The following ADRA1B variants were observed in gnomAD, a reference collection of about 807,000 sequenced individuals.
ADRA1B encodes alpha-1B adrenergic receptor.
Under a neutral mutation model 17.9 loss-of-function variants are expected in ADRA1B, and 17 were observed. The ratio of observed to expected loss-of-function variants is 0.95; its 90% CI spans 0.65 to 1.42. The LOEUF (loss-of-function observed/expected upper bound fraction) is 1.42, where lower values mean the gene tolerates loss of function less well. Ranked by LOEUF, ADRA1B falls within the 40% of genes most tolerant of loss-of-function variation. ADRA1B has a pLI of 0.00. For synonymous variants in ADRA1B, 366 were observed against 327.6 expected (o/e 1.12, Z -1.27); for missense variants, 681 against 722.1 (o/e 0.94, Z 0.65).
intron 1 of ADRA1B, among the ~76,000 whole-genome samples, chr5:159,897,467 C>A (rs1260281009): frequency 6.6e-6 from 1 of 151,322 alleles, no homozygotes; most frequent in African/African-American, 2.4e-5. Context: ...GCCTGGGTGA[C>A]AGAGTGAGAC....
intron 1 of ADRA1B, among the ~76,000 whole-genome samples, chr5:159,876,978 C>T (rs1027054064): frequency 6.6e-6 from 1 of 152,164 alleles, no homozygotes; most frequent in Admixed American, 6.5e-5. Flanking sequence ...AATTTGTTCT[C>T]CAGATTTTCT....
chr5:159,988,637 G>A, the ADRA1B span, among the ~76,000 whole-genome samples: 2 of 152,178 alleles, frequency 1.3e-5, no homozygotes, highest in Non-Finnish European at 2.9e-5. Flanking sequence ...CTACACCTGA[G>A]TCTCTTTCCT....
chr5:159,915,734 C>T (rs79569615), upstream of ADRA1B, among the ~76,000 whole-genome samples: 27,126 of 152,140 alleles, frequency 0.18, 2,550 homozygotes, highest in East Asian at 0.37. Context: ...CCCACAAACA[C>T]CCCACTGCAT....
At chr5:159,886,864 A>C (rs1753930926) in intron 1 of ADRA1B, among the ~76,000 whole-genome samples, 1 of 152,070 alleles carries the variant, frequency 6.6e-6, no homozygotes, top group South Asian at 2.1e-4. Flanking sequence ...TTCCTCTGTA[A>C]ATATATATAT....
chr5:159,908,869 T>TG (rs1202373776), intron 1 of ADRA1B, among the ~76,000 whole-genome samples: 1 of 152,178 alleles, frequency 6.6e-6, no homozygotes, highest in Non-Finnish European at 1.5e-5. Context: ...GGGAAATATT[T>TG]GGGGCCCTCC....
rs749273189 is a variant in ADRA1B, at chr5:159,971,981, C to G, written c.1052C>G (p.Ser351Cys). 6.8e-7 allele frequency: 1 copy of G among 1,480,164 alleles called. No individual in the cohort carries two copies. The highest frequency in any genetic ancestry group is 1.5e-5 in the South Asian group (1 of 67,808). The allele number at this position is 1,480,164 out of a possible 1,614,324, so 91.7% of individuals were successfully genotyped here. The change falls in exon 2 of 2, where the codon TCC (serine) becomes TGC (cysteine). Residue 351 changes from serine (S) to cysteine (C), a missense_variant. Physicochemically the swap from Ser to Cys is moderately radical, Grantham distance 112 (BLOSUM62 -1). Around this residue, in one of 3 missense-constraint regions of ADRA1B, gnomAD observed 424 missense variants for 480.2 expected, o/e 0.88. Transcript: ENST00000306675. ...SCLNPIIYPC[S>C]SKEFKRAFVR... ...CTCAACCCCATCATCTACCCATGCT[C>G]CAGCAAGGAGTTCAAGCGCGCTTTC...
chr5:159,895,778 G>A (rs1272612341), intron 1 of ADRA1B, among the ~76,000 whole-genome samples: 1 of 152,144 alleles, frequency 6.6e-6, no homozygotes, highest in Non-Finnish European at 1.5e-5. Context: ...TGCTATATCT[G>A]CCCCATACAC....
At chr5:159,983,605 G>A in the ADRA1B span, among the ~76,000 whole-genome samples, 4 of 152,156 alleles carry the variant, frequency 2.6e-5, no homozygotes, top group Admixed American at 6.5e-5. Flanking sequence ...GGTGCCAGCC[G>A]AACCGAAATT....
At chr5:159,982,514 T>C in the ADRA1B span, among the ~76,000 whole-genome samples, 12 of 152,290 alleles carry the variant, frequency 7.9e-5, no homozygotes, top group East Asian at 2.1e-3. Flanking sequence ...GTAGACATTA[T>C]TACTGTCTCA....
chr5:159,866,961 C>A (rs1561578115), intron 1 of ADRA1B: 1 of 152,194 alleles, frequency 6.6e-6, no homozygotes, highest in Admixed American at 6.5e-5. Context: ...GATTTCTCAG[C>A]AGAACAAAAC....
chr5:159,947,280 T>C (rs1755300392), intron 1 of ADRA1B, among the ~76,000 whole-genome samples: 1 of 151,934 alleles, frequency 6.6e-6, no homozygotes, highest in Non-Finnish European at 1.5e-5. Context: ...AGGCAGAGGT[T>C]GCAATGATAC....
chr5:159,985,128 T>G, the ADRA1B span, among the ~76,000 whole-genome samples: 9 of 152,086 alleles, frequency 5.9e-5, no homozygotes, highest in Non-Finnish European at 1.2e-4. Context: ...CCTTTGCTCT[T>G]GCTGTTTCCT....
At chr5:159,906,610 A>G (rs958374244) in intron 1 of ADRA1B, among the ~76,000 whole-genome samples, 1 of 152,234 alleles carries the variant, frequency 6.6e-6, no homozygotes, top group African/African-American at 2.4e-5. Context: ...AAGTTTGAGC[A>G]TAGCTGGCTA....
chr5:159,967,692 A>C (rs1242234809), intron 1 of ADRA1B, among the ~76,000 whole-genome samples: 1 of 152,162 alleles, frequency 6.6e-6, no homozygotes, highest in Non-Finnish European at 1.5e-5. Context: ...CACACTGCCT[A>C]ATCAGCCAAG....
chr5:159,948,149 A>C (rs1755328285), intron 1 of ADRA1B: 1 of 985,468 alleles, frequency 1.0e-6, no homozygotes, highest in Non-Finnish European at 1.2e-6. Flanking sequence ...GGAGTTAATC[A>C]TAACAGGACT....
chr5:159,909,919 C>T (rs1044844880), intron 1 of ADRA1B, among the ~76,000 whole-genome samples: 2 of 152,284 alleles, frequency 1.3e-5, no homozygotes, highest in Non-Finnish European at 1.5e-5. Flanking sequence ...GGGTAAAGAA[C>T]GTATCCACAG....
intron 1 of ADRA1B, among the ~76,000 whole-genome samples, chr5:159,881,774 C>A (rs951190142): frequency 1.3e-5 from 2 of 152,094 alleles, no homozygotes; most frequent in African/African-American, 4.8e-5. Flanking sequence ...ATAAATAGAT[C>A]TGAGAGGTCA....
chr5:159,956,029 G>T (rs970679338), intron 1 of ADRA1B, among the ~76,000 whole-genome samples: 16 of 152,150 alleles, frequency 1.1e-4, no homozygotes, highest in African/African-American at 3.1e-4. Context: ...GATCACTTGA[G>T]CCCAAGGTTT....
chr5:159,880,500 G>A (rs1753851367), intron 1 of ADRA1B, among the ~76,000 whole-genome samples: 2 of 152,192 alleles, frequency 1.3e-5, no homozygotes, highest in Non-Finnish European at 1.5e-5. Flanking sequence ...AGGGTTTGGG[G>A]CAGAATCTTA....
Sources: allele counts gnomAD v4.1 joint callset (sites outside exome capture counted in the v4.1 genomes callset), GRCh38; gene constraint gnomAD v4.1.1; regional missense constraint gnomAD v4.1.1; transcripts MANE v1.5; gene names NCBI Gene and HGNC (gene_info 2026-07-23, HGNC 2026-07-21).